Variants in PPARGC1A observed in about 807,000 individuals in gnomAD.
PPARGC1A encodes peroxisome proliferator-activated receptor gamma coactivator 1-alpha.
Under a neutral mutation model 88.7 loss-of-function variants are expected in PPARGC1A, and 25 were observed. The ratio of observed to expected loss-of-function variants is 0.28; its 90% CI spans 0.21 to 0.39. The LOEUF is 0.39. Ranked by LOEUF, PPARGC1A falls within the 10% of genes least tolerant of loss-of-function variation. PPARGC1A has a pLI of 1.00. For synonymous variants in PPARGC1A, 363 were observed against 355.6 expected, an observed-to-expected ratio of 1.02 and a Z score of -0.24; for missense variants, 880 against 968.7, an observed-to-expected ratio of 0.91 and a Z score of 1.22.
chr4:24,420,496 GT>G, the PPARGC1A span, among the ~76,000 whole-genome samples: 2 of 152,100 alleles, frequency 1.3e-5, no homozygotes, highest in African/African-American at 2.4e-5. Flanking sequence ...TCGTATGCCC[GT>G]TTTTATAACT....
the PPARGC1A span, among the ~76,000 whole-genome samples, chr4:23,987,613 C>T: frequency 2.0e-5 from 3 of 151,912 alleles, no homozygotes; most frequent in Non-Finnish European, 4.4e-5. Flanking sequence ...TAAGCAGTGT[C>T]TCTCCTGTAT....
chr4:24,301,326 T>C, the PPARGC1A span, among the ~76,000 whole-genome samples: 1,308 of 152,290 alleles, frequency 8.6e-3, 19 homozygotes, highest in African/African-American at 0.03. Flanking sequence ...TTGATGAGAA[T>C]TGAACTCTAG....
At chr4:24,380,299 A>G in the PPARGC1A span, among the ~76,000 whole-genome samples, 1 of 152,198 alleles carries the variant, frequency 6.6e-6, no homozygotes, top group African/African-American at 2.4e-5. Flanking sequence ...TAAAGAGAGC[A>G]GTCTAGACAG....
At chr4:24,121,651 G>A in the PPARGC1A span, among the ~76,000 whole-genome samples, 2 of 152,126 alleles carry the variant, frequency 1.3e-5, no homozygotes, top group African/African-American at 2.4e-5. Context: ...AAACCACGAG[G>A]CCCATACACA....
the PPARGC1A span, among the ~76,000 whole-genome samples, chr4:24,465,325 T>G: frequency 6.6e-6 from 1 of 152,214 alleles, no homozygotes; most frequent in African/African-American, 2.4e-5. Context: ...TCCTTTCTTC[T>G]TTTTTTAAAA....
the PPARGC1A span, among the ~76,000 whole-genome samples, chr4:24,296,138 A>T: frequency 4.0e-5 from 6 of 150,780 alleles, no homozygotes; most frequent in Non-Finnish European, 7.4e-5. Flanking sequence ...ATGTATATAG[A>T]TACACACACA....
At chr4:24,326,631 T>C in the PPARGC1A span, among the ~76,000 whole-genome samples, 3 of 152,166 alleles carry the variant, frequency 2.0e-5, no homozygotes, top group Non-Finnish European at 2.9e-5. Context: ...TCCCCATCTG[T>C]TACCTATCTC....
At chr4:24,073,303 A>G in the PPARGC1A span, among the ~76,000 whole-genome samples, 1 of 152,020 alleles carries the variant, frequency 6.6e-6, no homozygotes, top group Non-Finnish European at 1.5e-5. Context: ...CAGCCTCCCA[A>G]AGTACTGGGA....
the PPARGC1A span, among the ~76,000 whole-genome samples, chr4:24,020,995 G>A: frequency 6.6e-6 from 1 of 152,184 alleles, no homozygotes; most frequent in Non-Finnish European, 1.5e-5. Context: ...GCAAAAACAT[G>A]AGGGCTTCCA....
the PPARGC1A span, among the ~76,000 whole-genome samples, chr4:24,056,836 T>A: frequency 4.6e-5 from 7 of 152,326 alleles, no homozygotes; most frequent in Admixed American, 4.6e-4. Context: ...ATTGGGCCCC[T>A]TGTGCACTAT....
At chr4:23,944,929 G>A in the PPARGC1A span, among the ~76,000 whole-genome samples, 1 of 152,168 alleles carries the variant, frequency 6.6e-6, no homozygotes, top group East Asian at 1.9e-4. Context: ...AGCAGTGTGA[G>A]AATGGACTAA....
chr4:23,885,633 T>C (rs2970878), intron 1 of PPARGC1A, among the ~76,000 whole-genome samples: 6,476 of 146,850 alleles, frequency 0.044, 470 homozygotes, highest in African/African-American at 0.15. Flanking sequence ...GGCTTTTGTA[T>C]GTAACTTGCA....
the PPARGC1A span, among the ~76,000 whole-genome samples, chr4:24,159,732 A>G: frequency 1.3e-5 from 2 of 152,310 alleles, no homozygotes; most frequent in Admixed American, 1.3e-4. Flanking sequence ...GTGAGTTTAC[A>G]TGTGCCTGAA....
the PPARGC1A span, among the ~76,000 whole-genome samples, chr4:24,095,332 G>T: frequency 2.6e-5 from 4 of 151,924 alleles, no homozygotes; most frequent in Non-Finnish European, 4.4e-5. Flanking sequence ...GCTCAGGCAG[G>T]TCTCGAACTC....
Position 23,878,757 on chromosome 4 carries a change from A to G in PPARGC1A, c.234+5995T>C, listed in dbSNP as rs74933993. Among the ~76,000 whole-genome samples the G allele has an allele frequency of 3.9e-5, 6 of 152,330 alleles. No individual in the cohort carries two copies. The East Asian group carries it at 1.2e-3, about 29-fold the overall frequency. On this transcript the variant is annotated intron_variant, in intron 2 of 12. Coordinates refer to ENST00000264867, the MANE Select transcript of PPARGC1A (RefSeq NM_013261.5). Reference sequence around the variant, plus strand: ...AATAAAGCAGCACACAGGCTGGGTCAGATTGTTGCTTCCTGATTTATGACT... The same window carrying G: ...AATAAAGCAGCACACAGGCTGGGTCGGATTGTTGCTTCCTGATTTATGACT...
At chr4:24,011,105 C>G in the PPARGC1A span, among the ~76,000 whole-genome samples, 1 of 152,190 alleles carries the variant, frequency 6.6e-6, no homozygotes, top group African/African-American at 2.4e-5. Context: ...GTCATCCTGT[C>G]TGCTACCTGT....
At chr4:24,110,268 A>G in the PPARGC1A span, among the ~76,000 whole-genome samples, 1 of 152,274 alleles carries the variant, frequency 6.6e-6, no homozygotes, top group South Asian at 2.1e-4. Flanking sequence ...GTAGTTTAAA[A>G]CACCACCAGA....
chr4:24,333,934 CAACAACAAAAAAAA>C, the PPARGC1A span, among the ~76,000 whole-genome samples: 19 of 14,156 alleles, frequency 1.3e-3, no homozygotes, highest in South Asian at 5.5e-3. Context: ...ACTCCAACAA[CAACAACAAAAAAAA>C]AAAAAAAAAA....
the PPARGC1A span, among the ~76,000 whole-genome samples, chr4:24,375,480 G>C: frequency 6.6e-6 from 1 of 152,134 alleles, no homozygotes; most frequent in African/African-American, 2.4e-5. Flanking sequence ...GCAGTTAAAA[G>C]GAAAATGTCA....
Sources: allele counts gnomAD v4.1 joint callset (sites outside exome capture counted in the v4.1 genomes callset), GRCh38; gene constraint gnomAD v4.1.1; transcripts MANE v1.5; gene names NCBI Gene and HGNC (gene_info 2026-07-23, HGNC 2026-07-21).